The following RBFOX1 variants were observed in gnomAD, a reference collection of about 807,000 sequenced individuals.
RBFOX1 encodes RNA binding protein fox-1 homolog 1.
Under a neutral mutation model 57.7 loss-of-function variants are expected in RBFOX1, and 8 were observed. The observed-to-expected ratio is 0.14, with a 90% confidence interval of 0.08 to 0.25. RBFOX1 has a LOEUF of 0.25. Among genes scored for constraint, RBFOX1 ranks in the 10% least tolerant of loss-of-function variants. The probability of loss-of-function intolerance (pLI) is 1.00; values close to 1 mark genes in which losing one functional copy is unlikely to be tolerated. For synonymous variants in RBFOX1, 326 were observed against 222.4 expected (o/e 1.47, Z -4.15); for missense variants, 611 against 548.5 (o/e 1.11, Z -1.14).
chr16:6,305,978 G>A (rs1228284569), intron 1 of RBFOX1, among the ~76,000 whole-genome samples: 1 of 152,070 alleles, frequency 6.6e-6, no homozygotes, highest in African/African-American at 2.4e-5. Flanking sequence ...AAGCCCCTGG[G>A]TCTCAGATGG....
chr16:7,335,350 C>G (rs1444506878), intron 4 of RBFOX1, among the ~76,000 whole-genome samples: 1 of 152,040 alleles, frequency 6.6e-6, no homozygotes, highest in African/African-American at 2.4e-5. Context: ...TTAAAATGAG[C>G]CAAAATAAAC....
At chr16:6,964,277 C>T (rs1260370455) in intron 3 of RBFOX1, among the ~76,000 whole-genome samples, 2 of 152,170 alleles carry the variant, frequency 1.3e-5, no homozygotes, top group East Asian at 3.9e-4. Flanking sequence ...CCTCGACCTC[C>T]CAAAGTGGTG....
chr16:7,390,555 T>C (rs959004267), intron 4 of RBFOX1, among the ~76,000 whole-genome samples: 1 of 152,218 alleles, frequency 6.6e-6, no homozygotes, highest in Non-Finnish European at 1.5e-5. Context: ...ACCTAAAGCA[T>C]CTTTGCACAT....
In RBFOX1 at chr16:7,225,919, T is replaced by TATATATATATATATAA. The variant is rs1315130232; in HGVS notation, c.27+173822_27+173823insTATATATATATATAAA. On this transcript the variant is annotated intron_variant, in intron 4 of 15. Coordinates refer to ENST00000550418, the MANE Select transcript of RBFOX1 (RefSeq NM_018723.4). ...AAAGTATAATAAATATATATATATA[T>TATATATATATATATAA]AAATGTGAATGTCATGTTTCTGAGA... Among the ~76,000 whole-genome samples, 114 of 142,136 alleles carry TATATATATATATATAA rather than the reference T, an allele frequency of 8.0e-4. 1 individual carries two copies. The highest frequency in any genetic ancestry group is 2.0e-3 in the Admixed American group (29 of 14,328). The allele number at this position is 142,136 out of a possible 152,430, so 93.2% of individuals were successfully genotyped here.
At chr16:6,560,338 AGT>A (rs141358004) in intron 2 of RBFOX1, among the ~76,000 whole-genome samples, 96,035 of 151,660 alleles carry the variant, frequency 0.63, 32,043 homozygotes, top group South Asian at 0.82. Context: ...AGGGCAGGAG[AGT>A]GGGGGTGGAA....
chr16:5,971,058 C>G (rs1274520374), intron 4 of RBFOX1, among the ~76,000 whole-genome samples: 4 of 152,330 alleles, frequency 2.6e-5, no homozygotes, highest in Admixed American at 6.5e-5. Flanking sequence ...GCTGACATGA[C>G]AGTGTTCCTG....
intron 2 of RBFOX1, among the ~76,000 whole-genome samples, chr16:5,500,212 A>ATTGCATTCCG (rs2043144829): frequency 7.4e-6 from 1 of 134,478 alleles, no homozygotes; most frequent in Admixed American, 8.1e-5. Context: ...ATTCCATTGC[A>ATTGCATTCCG]TTCCGTTCCG....
intron 2 of RBFOX1, among the ~76,000 whole-genome samples, chr16:6,382,284 C>T (rs1243476529): frequency 6.6e-6 from 1 of 152,162 alleles, no homozygotes; most frequent in South Asian, 2.1e-4. Flanking sequence ...TTGGTCCCGT[C>T]CTAAAGTTTA....
chr16:5,808,961 A>G (rs1310653011), intron 3 of RBFOX1, among the ~76,000 whole-genome samples: 2 of 152,152 alleles, frequency 1.3e-5, no homozygotes, highest in African/African-American at 2.4e-5. Context: ...ACTATGTTGA[A>G]TAGGAGTGGT....
intron 4 of RBFOX1, among the ~76,000 whole-genome samples, chr16:5,867,538 G>A (rs2057372243): frequency 6.6e-6 from 1 of 152,054 alleles, no homozygotes; most frequent in Non-Finnish European, 1.5e-5. Context: ...TGGAGTGTGC[G>A]TGGTAAAGAT....
At chr16:5,575,723 C>G (rs1260747485) in intron 2 of RBFOX1, among the ~76,000 whole-genome samples, 1 of 152,134 alleles carries the variant, frequency 6.6e-6, no homozygotes, top group Non-Finnish European at 1.5e-5. Flanking sequence ...TCTAATTGGG[C>G]TGATGCCTCC....
rs866089221 is a variant in RBFOX1, at chr16:5,424,927, C to G, written c.220-42289C>G. Among the ~76,000 whole-genome samples, 130 of 75,662 alleles carry G rather than the reference C, an allele frequency of 1.7e-3. 4 individuals carry two copies. Among genetic ancestry groups the G allele is most frequent in the African/African-American group, 4.1e-3 (83 of 20,134 alleles). 49.6% of individuals were successfully genotyped at this position (75,662 alleles called of 152,430 possible). A position where few individuals can be genotyped will look rare whatever the true frequency, so the allele number is the denominator to read the frequency against. On this transcript the variant is annotated intron_variant, in intron 1 of 2. Coordinates refer to the RBFOX1 transcript ENST00000585867. ...TCTTTCTTTCTTTCTTTCTTTCTTT[C>G]TTTCTTTCTCTCTCTTCTTTCTTCC...
intron 3 of RBFOX1, among the ~76,000 whole-genome samples, chr16:6,974,161 T>G (rs1431879752): frequency 6.6e-6 from 1 of 152,094 alleles, no homozygotes; most frequent in Admixed American, 6.6e-5. Context: ...CCACATTTTT[T>G]TATTAATCCA....
intron 1 of RBFOX1, among the ~76,000 whole-genome samples, chr16:5,450,017 G>T (rs183929682): frequency 6.6e-6 from 1 of 152,294 alleles, no homozygotes; most frequent in Non-Finnish European, 1.5e-5. Context: ...CATTTGCTGA[G>T]ATCTATTTGC....
At chr16:6,690,235 C>T (rs914123274) in intron 3 of RBFOX1, among the ~76,000 whole-genome samples, 3 of 152,154 alleles carry the variant, frequency 2.0e-5, no homozygotes, top group Admixed American at 6.5e-5. Flanking sequence ...GCATGACTCT[C>T]TAAGAAGATA....
At chr16:7,098,675 G>C (rs1213475668) in intron 4 of RBFOX1, among the ~76,000 whole-genome samples, 2 of 152,178 alleles carry the variant, frequency 1.3e-5, no homozygotes, top group Admixed American at 6.5e-5. Context: ...ATCTTGGCTG[G>C]GTGGTGGCTC....
intron 2 of RBFOX1, among the ~76,000 whole-genome samples, chr16:6,473,767 G>A (rs1041472306): frequency 1.3e-5 from 2 of 152,162 alleles, no homozygotes; most frequent in African/African-American, 2.4e-5. Flanking sequence ...GATATGGCCT[G>A]GCTAGAGGCT....
At chr16:6,792,275 T>G (rs369939889) in intron 3 of RBFOX1, among the ~76,000 whole-genome samples, 1 of 152,206 alleles carries the variant, frequency 6.6e-6, no homozygotes, top group Non-Finnish European at 1.5e-5. Context: ...TTGTGAAGAT[T>G]ACATAAATAC....
Position 7,029,091 on chromosome 16 carries a change from C to CGT in RBFOX1, c.-15-22966_-15-22965insGT, listed in dbSNP as rs1568440002. 3.1e-3 allele frequency among the ~76,000 whole-genome samples: 77 copies of CGT among 24,764 alleles called. 9 individuals carry two copies. Among genetic ancestry groups the CGT allele is most frequent in the East Asian group, 0.027 (8 of 298 alleles). The allele number at this position is 24,764 out of a possible 152,430, so 16.2% of individuals were successfully genotyped here. A position where few individuals can be genotyped will look rare whatever the true frequency, so the allele number is the denominator to read the frequency against. ...ATATATATATATATATACACACACACACACACACACACACACACACACACA... is the reference window on the plus strand; with the variant it reads ...ATATATATATATATATACACACACACGTACACACACACACACACACACACACA... On this transcript the variant is annotated intron_variant, in intron 3 of 15. Coordinates refer to ENST00000550418, the MANE Select transcript of RBFOX1 (RefSeq NM_018723.4).
Sources: gnomAD v4.1 joint callset for allele counts (sites outside exome capture counted in the v4.1 genomes callset) on GRCh38, gnomAD v4.1.1 for gene constraint, MANE v1.5 for transcripts, NCBI Gene and HGNC (gene_info 2026-07-23, HGNC 2026-07-21) for gene names.